Variants in UGT2A3 observed in about 807,000 individuals in gnomAD.
UGT2A3 encodes the protein UDP glucuronosyltransferase family 2 member A3, also known as UDP-glucuronosyltransferase 2A3.
Under a neutral mutation model 44.1 loss-of-function variants are expected in UGT2A3, and 55 were observed. That is an observed-to-expected ratio of 1.25 (90% CI 1.00 to 1.56). The LOEUF (loss-of-function observed/expected upper bound fraction) is 1.56, where lower values mean the gene tolerates loss of function less well. Among genes scored for constraint, UGT2A3 ranks in the 40% most tolerant of loss-of-function variants. The probability of loss-of-function intolerance (pLI) is 0.00; values close to 1 mark genes in which losing one functional copy is unlikely to be tolerated. For missense variants in UGT2A3, 733 were observed against 621.6 expected (o/e 1.18, Z -1.91); for synonymous variants, 243 against 215.1 (o/e 1.13, Z -1.13).
chr4:68,940,831 A>G (rs912025113), intron 2 of UGT2A3, among the ~76,000 whole-genome samples: 2 of 150,204 alleles, frequency 1.3e-5, no homozygotes, highest in Non-Finnish European at 3.0e-5. Flanking sequence ...CCAAAACAGT[A>G]TGGCAGTGGC....
At chr4:68,933,236 G>A (rs1717806491) in intron 2 of UGT2A3, among the ~76,000 whole-genome samples, 1 of 151,820 alleles carries the variant, frequency 6.6e-6, no homozygotes, top group African/African-American at 2.4e-5. Flanking sequence ...AAATCTTATG[G>A]GTTCATGGAA....
intron 2 of UGT2A3, among the ~76,000 whole-genome samples, chr4:68,938,041 C>G (rs1718022302): frequency 6.6e-6 from 1 of 151,978 alleles, no homozygotes; most frequent in Non-Finnish European, 1.5e-5. Context: ...GGAACAATAA[C>G]AGCCTCAGAA....
At chr4:68,943,650 C>A (rs549997538) in intron 2 of UGT2A3, among the ~76,000 whole-genome samples, 1 of 151,800 alleles carries the variant, frequency 6.6e-6, no homozygotes, top group East Asian at 2.0e-4. Flanking sequence ...TTGAATTTTC[C>A]ATACCAGAAG....
chr4:68,936,888 C>CAAAAAAAAAAAAAAAAAAA (rs56737078), intron 2 of UGT2A3, among the ~76,000 whole-genome samples: 2 of 46,336 alleles, frequency 4.3e-5, no homozygotes, highest in Admixed American at 3.3e-4. Context: ...AAATGGAAAG[C>CAAAAAAAAAAAAAAAAAAA]AAAAAAAAAA....
At chr4:68,936,909 A>AAAAAAAAG (rs1717975899) in intron 2 of UGT2A3, among the ~76,000 whole-genome samples, 1 of 148,262 alleles carries the variant, frequency 6.7e-6, no homozygotes. Flanking sequence ...AAAAAAAAAA[A>AAAAAAAAG]GCAGAGGTTG....
chr4:68,930,892 G>A lies in UGT2A3; in HGVS notation c.1085-127C>T. Reference sequence around the variant, plus strand: ...GTACAGCACTTTCTTTAGAAGGTGAGCACATGGAGCATTGCTACTAAAGAT... The same window carrying A: ...GTACAGCACTTTCTTTAGAAGGTGAACACATGGAGCATTGCTACTAAAGAT... On this transcript the variant is annotated intron_variant, in intron 4 of 5. Coordinates refer to ENST00000251566, the MANE Select transcript of UGT2A3 (RefSeq NM_024743.4). 8 of 829,128 alleles carry A rather than the reference G, an allele frequency of 9.6e-6. No individual in the cohort carries two copies. The South Asian group carries it at 1.4e-4, about 15-fold the overall frequency. The allele number at this position is 829,128 out of a possible 1,614,324, so 51.4% of individuals were successfully genotyped here.
intron 1 of UGT2A3, among the ~76,000 whole-genome samples, chr4:68,948,694 A>G (rs547552413): frequency 2.0e-5 from 3 of 151,822 alleles, no homozygotes; most frequent in African/African-American, 7.2e-5. Context: ...TATCATTTGT[A>G]TGTACACTGG....
chr4:68,942,577 A>T lies in UGT2A3; in HGVS notation c.864+2729T>A, dbSNP rs576294103. Among the ~76,000 whole-genome samples the T allele has an allele frequency of 5.1e-4, 76 of 148,496 alleles. 1 individual carries two copies. Among genetic ancestry groups the T allele is most frequent in the African/African-American group, 1.8e-3 (75 of 40,672 alleles). ...TTTATATATATCCATTTCATTAAAT[A>T]TATATTGGAAAAAAAAGAATGAAAT... On this transcript the variant is annotated intron_variant, in intron 2 of 5. Coordinates refer to ENST00000251566, the MANE Select transcript of UGT2A3 (RefSeq NM_024743.4).
In UGT2A3 at chr4:68,930,238, T is replaced by C. The variant is rs529113814; in HGVS notation, c.1305-146A>G. The C allele has an allele frequency of 7.2e-6, 7 of 974,600 alleles. No homozygotes were observed. The African/African-American group carries it at 1.2e-4, about 16-fold the overall frequency. The allele number at this position is 974,600 out of a possible 1,614,324, so 60.4% of individuals were successfully genotyped here. ...CTGGTTGTGACATGAATATTGTTGG[T>C]TACATAGTATTAAACAGATATAGTG... On this transcript the variant is annotated intron_variant, in intron 5 of 5. Coordinates refer to ENST00000251566, the MANE Select transcript of UGT2A3 (RefSeq NM_024743.4).
intron 1 of UGT2A3, among the ~76,000 whole-genome samples, chr4:68,949,715 A>G (rs1245130002): frequency 6.6e-6 from 1 of 151,972 alleles, no homozygotes; most frequent in African/African-American, 2.4e-5. Flanking sequence ...GTAAGCACTT[A>G]TGGAAATAAA....
rs1408580834 is a variant in UGT2A3, at chr4:68,933,527, G to A, written c.865-768C>T. On this transcript the variant is annotated intron_variant, in intron 2 of 5. Transcript: ENST00000251566. ...GCAGAAGCACTAATCACAGCAAATG[G>A]CAAACAGATCTTGGCAGATGCTTTG... is the stretch of plus-strand genomic sequence containing the variant. Among the ~76,000 whole-genome samples, 6 of 151,984 alleles carry A rather than the reference G, an allele frequency of 3.9e-5. No individual in the cohort carries two copies. In the East Asian group the frequency reaches 1.2e-3, roughly 30 times the overall value.
At chr4:68,943,474 T>C (rs1718270397) in intron 2 of UGT2A3, 2 of 426,538 alleles carry the variant, frequency 4.7e-6, no homozygotes, top group Admixed American at 1.0e-4. Flanking sequence ...GAAATCCTAC[T>C]GGCTCTGAAA....
Position 68,934,955 on chromosome 4 carries a change from G to A in UGT2A3, c.865-2196C>T, listed in dbSNP as rs530813410. 2.0e-4 allele frequency among the ~76,000 whole-genome samples: 30 copies of A among 151,766 alleles called. No individual in the cohort carries two copies. The South Asian group carries it at 5.6e-3, about 28-fold the overall frequency. ...AAAAGGCTTCTATGGACATGCATAT[G>A]CCAATAAATGGAAAAATCTAGGAAA... On this transcript the variant is annotated intron_variant, in intron 2 of 5. Transcript: ENST00000251566.
intron 1 of UGT2A3, among the ~76,000 whole-genome samples, chr4:68,947,862 TA>T (rs1290696114): frequency 1.3e-5 from 2 of 151,810 alleles, no homozygotes; most frequent in Non-Finnish European, 2.9e-5. Flanking sequence ...ACAGTGTGCT[TA>T]AAATATTCAA....
chr4:68,933,978 C>G (rs1360971516), intron 2 of UGT2A3, among the ~76,000 whole-genome samples: 1 of 151,920 alleles, frequency 6.6e-6, no homozygotes, highest in Admixed American at 6.6e-5. Flanking sequence ...CACTGCATAT[C>G]ACCTTAAAAA....
At chr4:68,930,897 T>C (rs1159739072) in intron 4 of UGT2A3, 132 bp from the exon 5 acceptor site, 24 of 812,284 alleles carry the variant, frequency 3.0e-5, no homozygotes, top group Non-Finnish European at 4.5e-5. Context: ...GGTGAGCACA[T>C]GGAGCATTGC....
chr4:68,929,142 T>C lies in UGT2A3; in HGVS notation c.*671A>G, dbSNP rs1306732275. ...TATGTGAGAAAAAAAATAGTTTCTTTTGTTATTTGATGGCAATCATGAGAA... is the reference window on the plus strand; with the variant it reads ...TATGTGAGAAAAAAAATAGTTTCTTCTGTTATTTGATGGCAATCATGAGAA... On this transcript the variant is annotated 3_prime_UTR_variant, in exon 6 of 6. Transcript: ENST00000251566. 1 of 152,148 alleles carries C rather than the reference T, an allele frequency of 6.6e-6. No homozygotes were observed. Among genetic ancestry groups the C allele is most frequent in the Non-Finnish European group, 1.5e-5 (1 of 68,012 alleles). 9.4% of individuals were successfully genotyped at this position (152,148 alleles called of 1,614,324 possible).
intron 3 of UGT2A3, among the ~76,000 whole-genome samples, chr4:68,931,814 C>T (rs1717746455): frequency 6.6e-6 from 1 of 151,106 alleles, no homozygotes; most frequent in East Asian, 1.9e-4. Flanking sequence ...TGAGATTGTA[C>T]CTTTTTTTTA....
intron 1 of UGT2A3, among the ~76,000 whole-genome samples, chr4:68,947,087 T>C (rs893673454): frequency 6.6e-6 from 1 of 151,756 alleles, no homozygotes; most frequent in Non-Finnish European, 1.5e-5. Flanking sequence ...GATTGTTGCA[T>C]GAATTGACTC....
Sources: gnomAD v4.1 joint callset for allele counts (sites outside exome capture counted in the v4.1 genomes callset) on GRCh38, gnomAD v4.1.1 for gene constraint, MANE v1.5 for transcripts, NCBI Gene and HGNC (gene_info 2026-07-23, HGNC 2026-07-21) for gene names.